The following SHANK2 variants were observed in gnomAD, a reference collection of about 807,000 sequenced individuals.
SHANK2 encodes the protein SH3 and multiple ankyrin repeat domains protein 2.
Under a neutral mutation model 133.7 loss-of-function variants are expected in SHANK2, and 43 were observed. That is an observed-to-expected ratio of 0.32 (90% CI 0.25 to 0.41). The LOEUF (loss-of-function observed/expected upper bound fraction) is 0.41. Ranked by LOEUF, SHANK2 falls within the 10% of genes least tolerant of loss-of-function variation. The pLI is 1.00. For synonymous variants in SHANK2, 1,017 were observed against 952.8 expected, an observed-to-expected ratio of 1.07 and a Z score of -1.24; for missense variants, 1,994 against 2,235.8, an observed-to-expected ratio of 0.89 and a Z score of 2.18.
intron 8 of SHANK2, among the ~76,000 whole-genome samples, chr11:71,085,277 T>C: frequency 6.6e-6 from 1 of 151,338 alleles, no homozygotes; most frequent in African/African-American, 2.4e-5. Flanking sequence ...GCCAACATGT[T>C]GAAACCCTGT....
chr11:71,248,062 G>A (rs959723435), intron 1 of SHANK2, among the ~76,000 whole-genome samples: 2 of 152,232 alleles, frequency 1.3e-5, no homozygotes, highest in Non-Finnish European at 2.9e-5. Flanking sequence ...TGCATCCAGA[G>A]AGACCCAGGC....
At chr11:70,621,580 G>A (rs1271584631) in intron 17 of SHANK2, among the ~76,000 whole-genome samples, 1 of 152,240 alleles carries the variant, frequency 6.6e-6, no homozygotes, top group Non-Finnish European at 1.5e-5. Context: ...AGGAAGGAGA[G>A]AGGGGACTGG....
chr11:70,716,903 C>CG (rs1211288874), intron 14 of SHANK2, among the ~76,000 whole-genome samples: 7 of 150,926 alleles, frequency 4.6e-5, no homozygotes, highest in South Asian at 2.1e-4. Flanking sequence ...GAGCCCCCCC[C>CG]CCGCCCAACT....
At chr11:70,914,614 G>A (rs970221061) in intron 10 of SHANK2, among the ~76,000 whole-genome samples, 4 of 147,562 alleles carry the variant, frequency 2.7e-5, no homozygotes, top group African/African-American at 1.0e-4. Flanking sequence ...AGCCAGGAGT[G>A]TAAGACCGGC....
At chr11:71,130,867 C>A (rs537189737) in intron 3 of SHANK2, among the ~76,000 whole-genome samples, 1 of 152,332 alleles carries the variant, frequency 6.6e-6, no homozygotes, top group South Asian at 2.1e-4. Context: ...GCTCTGCAAA[C>A]GCATGTAAGC....
chr11:70,662,041 G>C, intron 15 of SHANK2: 1 of 513,114 alleles, frequency 1.9e-6, no homozygotes, highest in African/African-American at 1.9e-5. Context: ...GGCCCGAACG[G>C]CGGCGGCGGC....
chr11:71,199,960 G>C (rs1379846983), intron 2 of SHANK2, among the ~76,000 whole-genome samples: 5 of 152,142 alleles, frequency 3.3e-5, no homozygotes, highest in African/African-American at 9.7e-5. Context: ...TTGTCTTTTA[G>C]GGCATTTGTT....
intron 14 of SHANK2, among the ~76,000 whole-genome samples, chr11:70,759,394 G>A (rs998088784): frequency 1.8e-4 from 28 of 151,810 alleles, no homozygotes; most frequent in African/African-American, 6.1e-4. Flanking sequence ...CTGAGGCAGA[G>A]TTGCTAGAAC....
chr11:70,566,276 C>A (rs1220904707), intron 17 of SHANK2: 1 of 152,186 alleles, frequency 6.6e-6, no homozygotes, highest in Non-Finnish European at 1.5e-5. Context: ...ATATCAAATA[C>A]CATGATGAGC....
chr11:70,817,684 C>T (rs996213812), intron 12 of SHANK2, among the ~76,000 whole-genome samples: 3 of 152,162 alleles, frequency 2.0e-5, no homozygotes, highest in South Asian at 2.1e-4. Context: ...CTGTGGGAGG[C>T]GGCCACCCTG....
At chr11:70,713,485 C>T (rs528256983) in intron 14 of SHANK2, among the ~76,000 whole-genome samples, 2 of 152,338 alleles carry the variant, frequency 1.3e-5, no homozygotes, top group Middle Eastern at 3.4e-3. Flanking sequence ...CCAAGGCCCA[C>T]GTAGCAGTGG....
intron 4 of SHANK2, among the ~76,000 whole-genome samples, chr11:71,116,562 G>C (rs1951983683): frequency 1.3e-5 from 2 of 152,244 alleles, no homozygotes; most frequent in African/African-American, 4.8e-5. Flanking sequence ...CGGTCACCCG[G>C]GCAGGAAGCA....
At chr11:70,689,607 T>C (rs997507889) in intron 15 of SHANK2, among the ~76,000 whole-genome samples, 5 of 152,162 alleles carry the variant, frequency 3.3e-5, no homozygotes, top group Non-Finnish European at 7.3e-5. Context: ...TATAACTTCT[T>C]ACTGGCAATT....
At chr11:70,685,699 G>A (rs1248703802) in intron 15 of SHANK2, among the ~76,000 whole-genome samples, 1 of 152,158 alleles carries the variant, frequency 6.6e-6, no homozygotes, top group Non-Finnish European at 1.5e-5. Context: ...GAGCCCTAGG[G>A]AGGACAGGGG....
intron 15 of SHANK2, among the ~76,000 whole-genome samples, chr11:70,692,187 A>G (rs1316418065): frequency 6.6e-6 from 1 of 152,184 alleles, no homozygotes; most frequent in Non-Finnish European, 1.5e-5. Flanking sequence ...AGGGAAATCA[A>G]TGTTTCTTGC....
At chr11:70,644,575 C>G (rs1555007584) in intron 17 of SHANK2, among the ~76,000 whole-genome samples, 1 of 152,230 alleles carries the variant, frequency 6.6e-6, no homozygotes, top group African/African-American at 2.4e-5. Context: ...CAGCAGCCCT[C>G]CCGCATGGCA....
Position 71,234,294 on chromosome 11 carries a change from G to A in SHANK2, c.-112-9498C>T, listed in dbSNP as rs12289354. On this transcript the variant is annotated intron_variant, in intron 1 of 25. Transcript: ENST00000601538. ...GGAGAATTGCTTGAACCTGGGAGGC[G>A]GAGGCTGCAGTGAGCCAAGACCATG... 4.1e-3 allele frequency among the ~76,000 whole-genome samples: 589 copies of A among 143,228 alleles called. 4 individuals are homozygous for A. Among genetic ancestry groups the A allele is most frequent in the African/African-American group, 0.014 (557 of 38,592 alleles). The allele number at this position is 143,228 out of a possible 152,430, so 94.0% of individuals were successfully genotyped here.
intron 21 of SHANK2, among the ~76,000 whole-genome samples, chr11:70,499,284 C>T (rs1320023686): frequency 6.6e-6 from 1 of 152,256 alleles, no homozygotes; most frequent in African/African-American, 2.4e-5. Context: ...GTCTTCCTGC[C>T]CACACCCTTG....
At chr11:71,093,253 A>C (rs1951550502) in intron 7 of SHANK2, among the ~76,000 whole-genome samples, 2 of 152,200 alleles carry the variant, frequency 1.3e-5, no homozygotes, top group South Asian at 4.2e-4. Flanking sequence ...TGCGGAAGAG[A>C]GAAAAGGTGC....
Sources: allele counts gnomAD v4.1 joint callset (sites outside exome capture counted in the v4.1 genomes callset), GRCh38; gene constraint gnomAD v4.1.1; transcripts MANE v1.5; gene names NCBI Gene and HGNC (gene_info 2026-07-23, HGNC 2026-07-21).